The following PARD3 variants were observed in gnomAD, a reference collection of about 807,000 sequenced individuals.
PARD3 encodes the protein partitioning defective 3 homolog.
In PARD3, 75 loss-of-function variants were observed where a neutral mutation model predicts 155.4. The ratio of observed to expected loss-of-function variants is 0.48; its 90% CI spans 0.40 to 0.58. PARD3 has a LOEUF of 0.58. PARD3 is among the 20% of genes least tolerant of loss of function. The pLI is 0.00. For synonymous variants in PARD3, 576 were observed against 610.5 expected (o/e 0.94, Z 0.83); for missense variants, 1,642 against 1,721.7 (o/e 0.95, Z 0.82).
intron 3 of PARD3, among the ~76,000 whole-genome samples, chr10:34,502,311 C>A (rs893508730): frequency 6.6e-6 from 1 of 152,070 alleles, no homozygotes; most frequent in African/African-American, 2.4e-5. Flanking sequence ...GAAGGGTCCA[C>A]AAGGTACAAG....
chr10:34,811,219 A>C (rs1224719192), intron 1 of PARD3, among the ~76,000 whole-genome samples: 1 of 152,160 alleles, frequency 6.6e-6, no homozygotes, highest in Non-Finnish European at 1.5e-5. Context: ...TCTTAGCTAA[A>C]CACCACAGTC....
At chr10:34,643,241 T>C (rs938647514) in intron 2 of PARD3, among the ~76,000 whole-genome samples, 26 of 152,346 alleles carry the variant, frequency 1.7e-4, no homozygotes, top group African/African-American at 5.5e-4. Flanking sequence ...TCGTCTTGTG[T>C]CTAACTCTCC....
In PARD3 at chr10:34,703,332, T is replaced by A. The variant is rs2094312336; in HGVS notation, c.121-6913A>T. Among the ~76,000 whole-genome samples the A allele has an allele frequency of 4.0e-5, 6 of 151,778 alleles. No individual in the cohort carries two copies. The South Asian group carries it at 1.2e-3, about 31-fold the overall frequency. On this transcript the variant is annotated intron_variant, in intron 1 of 24. Transcript: ENST00000374788. Reference sequence around the variant, plus strand: ...TGAGCCCAGGAGTTCAAGGCTATGGTGAGTTACGACTGGGCCACTGCACTC... The same window carrying A: ...TGAGCCCAGGAGTTCAAGGCTATGGAGAGTTACGACTGGGCCACTGCACTC...
At chr10:34,317,480 TA>T (rs2134131682) in intron 19 of PARD3, 142 bp from the exon 20 acceptor site, 2 of 821,204 alleles carry the variant, frequency 2.4e-6, no homozygotes, top group Non-Finnish European at 3.7e-6. Context: ...CAATGCTGTT[TA>T]ACTTTGAGTA....
In PARD3 at chr10:34,269,892, C is replaced by T. The variant is rs1210418936; in HGVS notation, c.3184G>A (p.Ala1062Thr). ...RMKQEQERIQ[A>T]KTREFRERQA... The stretch of plus-strand genomic sequence containing the variant: ...CGTTCCCTAAATTCTCGAGTTTTGG[C>T]TTGAATCCTATGAAATCAGAACAAA... Residue 1062 changes from alanine to threonine, a missense_variant, in exon 22 of 25, where the codon GCC becomes ACC. Ala to Thr is a moderately conservative substitution (Grantham distance 58). This residue lies in a region of PARD3 where 1,529 missense variants were observed against 1,587.3 expected (regional missense o/e 0.96). Coordinates refer to ENST00000374788, the MANE Select transcript of PARD3 (RefSeq NM_001184785.2). 1 of 1,613,402 alleles carries T rather than the reference C, an allele frequency of 6.2e-7. No individual in the cohort carries two copies. Among genetic ancestry groups the T allele is most frequent in the Non-Finnish European group, 8.5e-7 (1 of 1,179,696 alleles).
intron 2 of PARD3, among the ~76,000 whole-genome samples, chr10:34,539,570 A>T (rs2083458527): frequency 6.6e-6 from 1 of 152,150 alleles, no homozygotes; most frequent in Non-Finnish European, 1.5e-5. Context: ...TTAGGCAGGG[A>T]GAATCGCTTG....
At chr10:34,779,307 A>AAAAAT (rs1294303117) in intron 1 of PARD3, among the ~76,000 whole-genome samples, 1 of 142,558 alleles carries the variant, frequency 7.0e-6, no homozygotes, top group South Asian at 2.3e-4. Context: ...CTCCATCTCA[A>AAAAAT]AAAATAAAAT....
chr10:34,199,563 C>T (rs549968366), intron 22 of PARD3, among the ~76,000 whole-genome samples: 7 of 152,170 alleles, frequency 4.6e-5, no homozygotes, highest in South Asian at 2.1e-4. Flanking sequence ...CAGCCATGGG[C>T]GGCACCCCCA....
intron 22 of PARD3, among the ~76,000 whole-genome samples, chr10:34,215,730 T>C (rs983379926): frequency 2.6e-5 from 4 of 152,258 alleles, no homozygotes; most frequent in Non-Finnish European, 4.4e-5. Flanking sequence ...AGGAAAGCCA[T>C]ATTTCCTTTA....
At chr10:34,412,301 C>A (rs1208345365) in intron 5 of PARD3, among the ~76,000 whole-genome samples, 2 of 152,102 alleles carry the variant, frequency 1.3e-5, no homozygotes, top group African/African-American at 4.8e-5. Context: ...ATATATTTTA[C>A]CAAGCAATGG....
chr10:34,798,888 G>A (rs144145113), intron 1 of PARD3, among the ~76,000 whole-genome samples: 172 of 152,174 alleles, frequency 1.1e-3, no homozygotes, highest in African/African-American at 4.0e-3. Flanking sequence ...GTTGGCCTGG[G>A]CCAGGAGTCC....
chr10:34,352,903 C>T (rs1187712405), intron 14 of PARD3, among the ~76,000 whole-genome samples: 4 of 151,784 alleles, frequency 2.6e-5, no homozygotes, highest in South Asian at 4.1e-4. Flanking sequence ...AAGTGAGGAG[C>T]GTCTCTGCCC....
chr10:34,615,274 C>T (rs1288762428), intron 2 of PARD3, among the ~76,000 whole-genome samples: 1 of 152,078 alleles, frequency 6.6e-6, no homozygotes, highest in Non-Finnish European at 1.5e-5. Context: ...ATGGGAGTGA[C>T]ATAAAAACAG....
intron 20 of PARD3, among the ~76,000 whole-genome samples, chr10:34,303,441 T>C (rs78003027): frequency 0.074 from 11,120 of 150,916 alleles, 556 homozygotes; most frequent in Non-Finnish European, 0.1. Context: ...AATGATTTTA[T>C]TTTTGACACT....
chr10:34,542,359 A>G (rs144906437), intron 2 of PARD3, among the ~76,000 whole-genome samples: 40 of 152,230 alleles, frequency 2.6e-4, no homozygotes, highest in African/African-American at 9.1e-4. Flanking sequence ...GCAGTGTGTG[A>G]GACATATTTG....
At chr10:34,217,702 T>C (rs1164041755) in intron 22 of PARD3, among the ~76,000 whole-genome samples, 1 of 151,750 alleles carries the variant, frequency 6.6e-6, no homozygotes, top group Non-Finnish European at 1.5e-5. Context: ...GGCCTAAGGG[T>C]GAGATGCTTT....
intron 1 of PARD3, among the ~76,000 whole-genome samples, chr10:34,747,312 C>A (rs1444502415): frequency 6.6e-6 from 1 of 152,160 alleles, no homozygotes; most frequent in Non-Finnish European, 1.5e-5. Flanking sequence ...AGAGAGACAG[C>A]ATCTTTGGAG....
chr10:34,403,605 C>CT (rs1258017751), intron 5 of PARD3, among the ~76,000 whole-genome samples: 2 of 152,130 alleles, frequency 1.3e-5, no homozygotes, highest in African/African-American at 4.8e-5. Flanking sequence ...TAGCTGTGCT[C>CT]TGTGCTTTGT....
At chr10:34,703,941 T>C (rs1376898676) in intron 1 of PARD3, among the ~76,000 whole-genome samples, 1 of 152,212 alleles carries the variant, frequency 6.6e-6, no homozygotes, top group East Asian at 1.9e-4. Flanking sequence ...TCCAAAAACA[T>C]TACCCCTTTG....
Sources: gnomAD v4.1 joint callset for allele counts (sites outside exome capture counted in the v4.1 genomes callset) on GRCh38, gnomAD v4.1.1 for gene constraint, gnomAD v4.1.1 regional missense constraint, MANE v1.5 for transcripts, NCBI Gene and HGNC (gene_info 2026-07-23, HGNC 2026-07-21) for gene names.